Variants in TRIM24 observed in about 807,000 individuals in gnomAD.
The protein encoded by TRIM24 is transcription intermediary factor 1-alpha.
In TRIM24, 29 loss-of-function variants were observed where a neutral mutation model predicts 123.9. That is an observed-to-expected ratio of 0.23 (90% CI 0.17 to 0.32). The LOEUF is 0.32. TRIM24 is among the 10% of genes least tolerant of loss of function. TRIM24 has a pLI of 1.00. For missense variants in TRIM24, 932 were observed against 1,295.3 expected, an observed-to-expected ratio of 0.72 and a Z score of 4.31; for synonymous variants, 456 against 461.1, an observed-to-expected ratio of 0.99 and a Z score of 0.14.
chr7:138,471,045 T>A (rs1247264664), intron 1 of TRIM24, among the ~76,000 whole-genome samples: 2 of 152,180 alleles, frequency 1.3e-5, no homozygotes, highest in African/African-American at 4.8e-5. Context: ...TAACAACTGA[T>A]TATCTAACCA....
intron 10 of TRIM24, among the ~76,000 whole-genome samples, chr7:138,568,367 G>A (rs977925760): frequency 7.3e-5 from 9 of 123,270 alleles, no homozygotes; most frequent in Non-Finnish European, 3.4e-5. Flanking sequence ...GTAAGCCACC[G>A]TACCTGGCCT....
intron 1 of TRIM24, among the ~76,000 whole-genome samples, chr7:138,483,583 T>TGGC (rs1563027370): frequency 6.6e-6 from 1 of 152,202 alleles, no homozygotes; most frequent in Non-Finnish European, 1.5e-5. Context: ...ATTCCTGCCA[T>TGGC]AGGATTATGA....
intron 1 of TRIM24, among the ~76,000 whole-genome samples, chr7:138,464,213 G>T (rs559520874): frequency 1.3e-5 from 2 of 151,528 alleles, no homozygotes; most frequent in Admixed American, 6.6e-5. Flanking sequence ...AGCCAGGATG[G>T]TCTCGATCTC....
intron 7 of TRIM24, among the ~76,000 whole-genome samples, chr7:138,543,782 A>G (rs958862440): frequency 6.6e-6 from 1 of 152,164 alleles, no homozygotes; most frequent in Non-Finnish European, 1.5e-5. Flanking sequence ...TTTGATATAC[A>G]TAACAGTGTT....
At chr7:138,519,455 G>A (rs1378321728) in intron 4 of TRIM24, 134 bp downstream of exon 4, 1 of 989,722 alleles carries the variant, frequency 1.0e-6, no homozygotes. Context: ...CTGTACTGGG[G>A]TTTGTCACTT....
chr7:138,580,153 C>G lies in TRIM24; in HGVS notation c.2586-409C>G, dbSNP rs182701591. Among the ~76,000 whole-genome samples the G allele has an allele frequency of 2.4e-4, 37 of 152,192 alleles. 1 individual carries two copies. Among genetic ancestry groups the G allele is most frequent in the African/African-American group, 8.7e-4 (36 of 41,526 alleles). On this transcript the variant is annotated intron_variant, in intron 15 of 18. Transcript: ENST00000343526. ...GAGCCATTGGGTTGATCTCTCAGTT[C>G]TTGGAAGGCCATACTTTTGAAAATT...
intron 7 of TRIM24, among the ~76,000 whole-genome samples, chr7:138,539,801 CT>C (rs528996607): frequency 2.0e-3 from 256 of 129,596 alleles, no homozygotes; most frequent in African/African-American, 3.7e-3. Context: ...ATTAAGTAAT[CT>C]TTTTTTTTTT....
chr7:138,517,190 T>C (rs577698911), intron 3 of TRIM24, among the ~76,000 whole-genome samples: 12 of 152,262 alleles, frequency 7.9e-5, no homozygotes, highest in African/African-American at 1.2e-4. Flanking sequence ...TCTTGTGATA[T>C]ATTGGCTGAT....
intron 3 of TRIM24, among the ~76,000 whole-genome samples, chr7:138,516,012 T>G (rs1379398145): frequency 1.3e-5 from 2 of 152,124 alleles, no homozygotes; most frequent in Non-Finnish European, 2.9e-5. Context: ...ATAACTCCAA[T>G]TTTCTGGCCG....
At chr7:138,488,793 G>A (rs899138581) in intron 1 of TRIM24, among the ~76,000 whole-genome samples, 7 of 152,172 alleles carry the variant, frequency 4.6e-5, no homozygotes, top group African/African-American at 1.7e-4. Context: ...TGGAATAACT[G>A]CAGTGTGGTG....
intron 16 of TRIM24, among the ~76,000 whole-genome samples, chr7:138,581,324 G>A (rs749924773): frequency 5.9e-5 from 9 of 152,126 alleles, no homozygotes; most frequent in African/African-American, 7.2e-5. Context: ...TTGGACCTTC[G>A]GCATGCAGAA....
intron 6 of TRIM24, among the ~76,000 whole-genome samples, chr7:138,537,036 G>T (rs1796892904): frequency 6.6e-6 from 1 of 152,168 alleles, no homozygotes; most frequent in Non-Finnish European, 1.5e-5. Flanking sequence ...ATAATCTCCT[G>T]GTGTGCTGTT....
At chr7:138,566,421 C>G (rs983785542) in intron 9 of TRIM24, among the ~76,000 whole-genome samples, 1 of 152,046 alleles carries the variant, frequency 6.6e-6, no homozygotes, top group African/African-American at 2.4e-5. Flanking sequence ...GAGGCTGAGG[C>G]AGGAGAATCA....
intron 1 of TRIM24, among the ~76,000 whole-genome samples, chr7:138,471,194 A>C (rs932925145): frequency 7.9e-5 from 12 of 152,360 alleles, no homozygotes; most frequent in African/African-American, 2.6e-4. Context: ...AATAGTGTGA[A>C]GCTATCTTGA....
Position 138,483,709 on chromosome 7 carries a change from G to T in TRIM24, c.365-20581G>T, listed in dbSNP as rs146909252. 2.2e-3 allele frequency among the ~76,000 whole-genome samples: 339 copies of T among 152,306 alleles called. 1 individual carries two copies. The highest frequency in any genetic ancestry group is 3.8e-3 in the Non-Finnish European group (261 of 68,032). On this transcript the variant is annotated intron_variant, in intron 1 of 18. Coordinates refer to ENST00000343526, the MANE Select transcript of TRIM24 (RefSeq NM_015905.3). ...ACTACATTGCCAGGCAGGGCCACAT[G>T]ATGGTTGCACTTGGGACGGAGTAAA...
chr7:138,578,563 T>TGTGTGTGTGC (rs145011901), intron 14 of TRIM24, among the ~76,000 whole-genome samples: 46 of 145,086 alleles, frequency 3.2e-4, no homozygotes, highest in African/African-American at 1.1e-3. Context: ...TGTGTGTGTG[T>TGTGTGTGTGC]GCGCGCACGC....
chr7:138,460,973 C>G, intron 1 of TRIM24, 61 bp downstream of exon 1: 2 of 1,342,700 alleles, frequency 1.5e-6, no homozygotes, highest in Non-Finnish European at 1.9e-6. Context: ...GGCGGGCGCC[C>G]TTGTGCGGCG....
At chr7:138,463,026 C>A (rs1384741884) in intron 1 of TRIM24, among the ~76,000 whole-genome samples, 2 of 145,028 alleles carry the variant, frequency 1.4e-5, no homozygotes, top group African/African-American at 5.1e-5. Flanking sequence ...TGCGCCACCA[C>A]GTCCGGCTAA....
chr7:138,489,834 G>A (rs1290594478), intron 1 of TRIM24, among the ~76,000 whole-genome samples: 1 of 152,090 alleles, frequency 6.6e-6, no homozygotes, highest in Non-Finnish European at 1.5e-5. Flanking sequence ...GTGTCTTGGA[G>A]TTGCTCTTCT....
Sources: allele counts gnomAD v4.1 joint callset (sites outside exome capture counted in the v4.1 genomes callset), GRCh38; gene constraint gnomAD v4.1.1; transcripts MANE v1.5; gene names NCBI Gene and HGNC (gene_info 2026-07-23, HGNC 2026-07-21).